DSCAM: variants seen among roughly 807,000 people sequenced by gnomAD.
DSCAM encodes DS cell adhesion molecule.
Under a neutral mutation model 217.7 loss-of-function variants are expected in DSCAM, and 47 were observed. The observed-to-expected ratio is 0.22, with a 90% CI of 0.17 to 0.28. The LOEUF (loss-of-function observed/expected upper bound fraction) is 0.28. Among genes scored for constraint, DSCAM ranks in the 10% least tolerant of loss-of-function variants. The pLI is 1.00. For missense variants in DSCAM, 2,080 were observed against 2,618.3 expected, an observed-to-expected ratio of 0.79 and a Z score of 4.49; for synonymous variants, 1,056 against 1,015.3, an observed-to-expected ratio of 1.04 and a Z score of -0.76.
chr21:40,016,967 T>A lies in DSCAM; in HGVS notation c.5687-3581A>T, dbSNP rs1049404635. Reference sequence around the variant, plus strand: ...CCCGTCTCTACTGAAAATAGAAAAATCAGCTGGACGTGGTGGTACACGCCT... The same window carrying A: ...CCCGTCTCTACTGAAAATAGAAAAAACAGCTGGACGTGGTGGTACACGCCT... On this transcript the variant is annotated intron_variant, in intron 32 of 32. Coordinates refer to ENST00000400454, the MANE Select transcript of DSCAM (RefSeq NM_001389.5). This position sits in a 1 kb window ranked among gnomAD's most constrained non-coding sequence, Gnocchi z 4.3. Among the ~76,000 whole-genome samples, 1 of 151,908 alleles carries A rather than the reference T, an allele frequency of 6.6e-6. No homozygotes were observed. Among genetic ancestry groups the A allele is most frequent in the African/African-American group, 2.4e-5 (1 of 41,346 alleles).
chr21:40,061,251 T>G (rs1488047972), intron 28 of DSCAM, among the ~76,000 whole-genome samples: 4 of 152,112 alleles, frequency 2.6e-5, no homozygotes, highest in African/African-American at 9.7e-5. Context: ...GCACCAACAT[T>G]CATCAGATCA....
At chr21:40,539,036 A>T (rs891504057) in intron 3 of DSCAM, among the ~76,000 whole-genome samples, 2 of 152,292 alleles carry the variant, frequency 1.3e-5, no homozygotes, top group Non-Finnish European at 2.9e-5. Flanking sequence ...ACTTGGGACT[A>T]GGATGGAACC....
At chr21:40,158,111 A>C (rs2898400) in intron 16 of DSCAM, among the ~76,000 whole-genome samples, 16,821 of 152,284 alleles carry the variant, frequency 0.11, 1,098 homozygotes, top group East Asian at 0.21. Flanking sequence ...TGGGCAAGGC[A>C]CAGTGGCTCA....
intron 3 of DSCAM, among the ~76,000 whole-genome samples, chr21:40,485,237 C>CTTTTTTTTTTTTT: frequency 9.2e-6 from 1 of 108,188 alleles, no homozygotes; most frequent in Non-Finnish European, 1.8e-5. Flanking sequence ...GACTTTCTTT[C>CTTTTTTTTTTTTT]TTTTTTTTTT....
At chr21:40,379,032 C>A (rs1025950099) in intron 3 of DSCAM, among the ~76,000 whole-genome samples, 1 of 152,194 alleles carries the variant, frequency 6.6e-6, no homozygotes, top group African/African-American at 2.4e-5. Context: ...ATCTCCACTA[C>A]ATAGTCTAAA....
chr21:40,683,809 G>T (rs117616147), intron 3 of DSCAM, among the ~76,000 whole-genome samples: 2 of 152,180 alleles, frequency 1.3e-5, no homozygotes, highest in African/African-American at 4.8e-5. Flanking sequence ...ACACTGGAGA[G>T]TAGGTGCAGC....
At chr21:40,165,891 A>G (rs960189555) in intron 16 of DSCAM, among the ~76,000 whole-genome samples, 6 of 151,734 alleles carry the variant, frequency 4.0e-5, no homozygotes, top group African/African-American at 1.5e-4. Context: ...TTTATTCTAC[A>G]ATGTGTGTGA....
At position 40,142,680 on chromosome 21, in the gene DSCAM, A is replaced by G. The variant is rs1601377390; in HGVS notation, c.3284T>C (p.Val1095Ala). ...TTCTGGTGATGTTGCTATGGCTTGG[A>G]CATTTTCGGGGGGGTAACTGGGCAC... ...EDVPSYPPEN[V>A]QAIATSPESI... is the part of the protein sequence containing the mutation. The change falls in exon 18 of 33, where the codon GTC becomes GCC. Residue 1095 changes from valine to alanine, a missense_variant. By Grantham distance (64) the Val-to-Ala change is moderately conservative (BLOSUM62 0). Around this residue, in one of 5 missense-constraint regions of DSCAM, gnomAD observed 1,144 missense variants for 1,421.1 expected, o/e 0.81. Coordinates refer to ENST00000400454, the MANE Select transcript of DSCAM (RefSeq NM_001389.5). 1 of 1,614,002 alleles carries G rather than the reference A, an allele frequency of 6.2e-7. No individual in the cohort carries two copies. The highest frequency in any genetic ancestry group is 8.5e-7 in the Non-Finnish European group (1 of 1,180,022).
intron 3 of DSCAM, among the ~76,000 whole-genome samples, chr21:40,604,070 T>C (rs2077083747): frequency 6.6e-6 from 1 of 152,080 alleles, no homozygotes; most frequent in Non-Finnish European, 1.5e-5. Context: ...TCTGCATGTG[T>C]TATACCTTTT....
intron 19 of DSCAM, among the ~76,000 whole-genome samples, 155 bp from the exon 20 acceptor site, chr21:40,124,483 G>T (rs780175830): frequency 1.1e-4 from 17 of 152,206 alleles, no homozygotes; most frequent in Non-Finnish European, 2.4e-4. Context: ...ATATGTTGAA[G>T]TCCTAACCCC....
chr21:40,372,375 G>C (rs751980098), intron 3 of DSCAM, among the ~76,000 whole-genome samples: 1 of 152,152 alleles, frequency 6.6e-6, no homozygotes, highest in Non-Finnish European at 1.5e-5. Context: ...GTCTCCCTTT[G>C]TGTGTCTTTC....
At chr21:40,039,191 A>T (rs888996916) in intron 32 of DSCAM, among the ~76,000 whole-genome samples, 3 of 151,912 alleles carry the variant, frequency 2.0e-5, no homozygotes, top group Non-Finnish European at 2.9e-5. Context: ...AAAGAAAAAG[A>T]ATATGAACTA....
chr21:40,686,855 C>A (rs945519093), intron 3 of DSCAM, among the ~76,000 whole-genome samples: 1 of 152,040 alleles, frequency 6.6e-6, no homozygotes, highest in African/African-American at 2.4e-5. Context: ...CAGGTGGCAG[C>A]GGGGTAACAT....
intron 2 of DSCAM, among the ~76,000 whole-genome samples, chr21:40,697,647 C>T (rs759739770): frequency 5.3e-5 from 8 of 152,078 alleles, no homozygotes; most frequent in Non-Finnish European, 8.8e-5. Context: ...TGGGTATAAG[C>T]GCATGGACTT....
At chr21:40,183,956 G>A (rs1247150389) in intron 14 of DSCAM, among the ~76,000 whole-genome samples, 1 of 152,264 alleles carries the variant, frequency 6.6e-6, no homozygotes, top group East Asian at 1.9e-4. Flanking sequence ...GGCACTATGA[G>A]GGGCACAGGG....
At chr21:40,154,074 T>C (rs1733269914) in intron 16 of DSCAM, among the ~76,000 whole-genome samples, 2 of 152,130 alleles carry the variant, frequency 1.3e-5, no homozygotes, top group African/African-American at 4.8e-5. Context: ...TCTTGGTCCA[T>C]GGACAATGGA....
chr21:40,247,435 G>A (rs911812822), intron 11 of DSCAM, among the ~76,000 whole-genome samples: 2 of 152,146 alleles, frequency 1.3e-5, no homozygotes, highest in East Asian at 1.9e-4. Context: ...ACAGGCATTG[G>A]GGAAATATAG....
At chr21:40,429,902 G>T (rs2075514165) in intron 3 of DSCAM, among the ~76,000 whole-genome samples, 1 of 152,136 alleles carries the variant, frequency 6.6e-6, no homozygotes, top group Non-Finnish European at 1.5e-5. Context: ...TTTCCTTAAT[G>T]CAATTTTGGG....
intron 1 of DSCAM, among the ~76,000 whole-genome samples, chr21:40,806,673 C>T (rs902590759): frequency 3.3e-5 from 5 of 152,126 alleles, no homozygotes; most frequent in Admixed American, 1.3e-4. Context: ...ATGTTTATTG[C>T]GGCACTGTTC....
Sources: allele counts gnomAD v4.1 joint callset (sites outside exome capture counted in the v4.1 genomes callset), GRCh38; gene constraint gnomAD v4.1.1; regional missense constraint gnomAD v4.1.1; non-coding constraint Gnocchi (gnomAD v3.1); transcripts MANE v1.5; gene names NCBI Gene and HGNC (gene_info 2026-07-23, HGNC 2026-07-21).